Variants in HACD4 observed in about 807,000 individuals in gnomAD.
HACD4 encodes the protein 3-hydroxyacyl-CoA dehydratase 4.
HACD4 carries 35 observed loss-of-function variants against 33.3 expected under a neutral mutation model. That is an observed-to-expected ratio of 1.05 (90% CI 0.80 to 1.39). The LOEUF (loss-of-function observed/expected upper bound fraction) is 1.39, where lower values mean the gene tolerates loss of function less well. Ranked by LOEUF, HACD4 falls within the 40% of genes most tolerant of loss-of-function variation. The probability of loss-of-function intolerance (pLI) is 0.00; values close to 1 mark genes in which losing one functional copy is unlikely to be tolerated. For missense variants in HACD4, 323 were observed against 276.5 expected, an observed-to-expected ratio of 1.17 and a Z score of -1.19; for synonymous variants, 118 against 98.0, an observed-to-expected ratio of 1.20 and a Z score of -1.21.
chr9:21,012,071 T>C (rs1842450539), intron 4 of HACD4, among the ~76,000 whole-genome samples: 1 of 152,208 alleles, frequency 6.6e-6, no homozygotes, highest in African/African-American at 2.4e-5. Flanking sequence ...CAGGAATTCA[T>C]TTAAAAATAA....
chr9:21,006,970 CTG>C lies in HACD4; in HGVS notation c.*65_*66del, dbSNP rs1378002962. ...AGGTATTTTTCCACCAGAATACTTC[CTG>C]TGTTTTATTTACTGCACTGAATCCA... On this transcript the variant is annotated 3_prime_UTR_variant, in exon 7 of 7. Coordinates refer to ENST00000495827, the MANE Select transcript of HACD4 (RefSeq NM_001010915.5). The surrounding 1 kb of genome is among the most constrained non-coding windows in gnomAD (Gnocchi z 4.6). 1 of 898,474 alleles carries C rather than the reference CTG, an allele frequency of 1.1e-6. No homozygotes were observed. The highest frequency in any genetic ancestry group is 1.9e-6 in the Non-Finnish European group (1 of 530,262). The allele number at this position is 898,474 out of a possible 1,614,324, so 55.7% of individuals were successfully genotyped here. A position where few individuals can be genotyped will look rare whatever the true frequency, so the allele number is the denominator to read the frequency against.
chr9:21,022,397 G>A (rs1042933004), intron 3 of HACD4, among the ~76,000 whole-genome samples: 7 of 152,128 alleles, frequency 4.6e-5, no homozygotes, highest in Non-Finnish European at 1.0e-4. Flanking sequence ...AAACTAAAAA[G>A]CTCCGGTACA....
At position 21,006,690 on chromosome 9, in the gene HACD4, GT is replaced by G. The variant is rs1327309080; in HGVS notation, c.*346del. On this transcript the variant is annotated 3_prime_UTR_variant, in exon 7 of 7. Transcript: ENST00000495827. This position sits in a 1 kb window ranked among gnomAD's most constrained non-coding sequence, Gnocchi z 4.6. ...GAATACATGTAATTTAGGTTATCAA[GT>G]TTGGTTTCTTAATTTAATTGAATCT... 1 of 251,642 alleles carries G rather than the reference GT, an allele frequency of 4.0e-6. No homozygotes were observed. The highest frequency in any genetic ancestry group is 7.6e-6 in the Non-Finnish European group (1 of 130,828). 15.6% of individuals were successfully genotyped at this position (251,642 alleles called of 1,614,324 possible).
At chr9:21,008,344 G>C (rs1842323559) in intron 5 of HACD4, among the ~76,000 whole-genome samples, 198 bp from the exon 6 acceptor site, 1 of 152,122 alleles carries the variant, frequency 6.6e-6, no homozygotes, top group South Asian at 2.1e-4. Context: ...ACAGCAGTAT[G>C]ACTTGTTGAA....
chr9:21,018,686 T>C (rs555768641), intron 3 of HACD4, among the ~76,000 whole-genome samples: 1 of 152,318 alleles, frequency 6.6e-6, no homozygotes, highest in South Asian at 2.1e-4. Flanking sequence ...AGAATGGTCT[T>C]GTTTAGTACA....
At position 21,016,126 on chromosome 9, in the gene HACD4, T is replaced by C. The variant is rs548829098; in HGVS notation, c.271-116A>G. Reference sequence around the variant, plus strand: ...AGTATACTTTAGCTGGAAATATGTATACTAAACTGTTAACAATGCCTCCCT... The same window carrying C: ...AGTATACTTTAGCTGGAAATATGTACACTAAACTGTTAACAATGCCTCCCT... On this transcript the variant is annotated intron_variant, in intron 3 of 6. Coordinates refer to ENST00000495827, the MANE Select transcript of HACD4 (RefSeq NM_001010915.5). 58 of 626,388 alleles carry C rather than the reference T, an allele frequency of 9.3e-5. No individual in the cohort carries two copies. The East Asian group carries it at 9.8e-4, about 11-fold the overall frequency. 38.8% of individuals were successfully genotyped at this position (626,388 alleles called of 1,614,324 possible).
At chr9:21,027,481 T>A (rs1818092168) in intron 2 of HACD4, among the ~76,000 whole-genome samples, 1 of 152,162 alleles carries the variant, frequency 6.6e-6, no homozygotes, top group African/African-American at 2.4e-5. Context: ...ATTCACACAA[T>A]AATAATTTAC....
chr9:21,006,073 C>T lies in HACD4; in HGVS notation c.*964G>A, dbSNP rs765564035. ...CAGGAATGAGTTAAGACTTTTGAGG[C>T]TGTCGAGATGGAATGTATGTATTTT... On this transcript the variant is annotated 3_prime_UTR_variant, in exon 7 of 7. Coordinates refer to ENST00000495827, the MANE Select transcript of HACD4 (RefSeq NM_001010915.5). This position sits in a 1 kb window ranked among gnomAD's most constrained non-coding sequence, Gnocchi z 4.6. The T allele has an allele frequency of 3.9e-5, 6 of 152,122 alleles. No individual in the cohort carries two copies. The highest frequency in any genetic ancestry group is 6.5e-5 in the Admixed American group (1 of 15,270). The allele number at this position is 152,122 out of a possible 1,614,324, so 9.4% of individuals were successfully genotyped here.
intron 3 of HACD4, among the ~76,000 whole-genome samples, chr9:21,023,046 TGATGA>T: frequency 6.6e-6 from 1 of 152,208 alleles, no homozygotes; most frequent in African/African-American, 2.4e-5. Context: ...CCATAAAAAA[TGATGA>T]GTTCATGTCC....
intron 5 of HACD4, among the ~76,000 whole-genome samples, chr9:21,010,312 G>A (rs1171653536): frequency 2.6e-5 from 4 of 152,122 alleles, no homozygotes; most frequent in Non-Finnish European, 4.4e-5. Flanking sequence ...TGATCTGAAT[G>A]ATTTGATCTT....
Position 21,026,580 on chromosome 9 carries a change from T to C in HACD4, c.270+16A>G, listed in dbSNP as rs1818065772. On this transcript the variant is annotated intron_variant, in intron 3 of 6. Transcript: ENST00000495827. Reference sequence around the variant, plus strand: ...AAATGAAACAGATTCTATAATAATATGTGATTCAAACCTACCTGCAAAAAC... The same window carrying C: ...AAATGAAACAGATTCTATAATAATACGTGATTCAAACCTACCTGCAAAAAC... The C allele has an allele frequency of 1.9e-6, 3 of 1,594,508 alleles. No homozygotes were observed. The highest frequency in any genetic ancestry group is 4.5e-5 in the East Asian group (2 of 44,656).
chr9:21,020,683 C>G (rs190999029), intron 3 of HACD4, among the ~76,000 whole-genome samples: 40 of 152,196 alleles, frequency 2.6e-4, no homozygotes, highest in Admixed American at 2.3e-3. Flanking sequence ...TTTTATGCTT[C>G]TTTTGGACCA....
At position 21,011,677 on chromosome 9, in the gene HACD4, T is replaced by A. The variant is rs941029951; in HGVS notation, c.402A>T (p.Leu134Phe). Residue 134 changes from leucine to phenylalanine, a missense_variant, in exon 5 of 7, where the codon TTA (leucine) becomes TTT (phenylalanine). Physicochemically the swap from Leu to Phe is conservative, Grantham distance 22. Transcript: ENST00000495827. Reference sequence around the variant, plus strand: ...CAGCATAGGATATTCCTATGACTGATAACATGCTATAAGTGTACCTGAAAG... The same window carrying A: ...CAGCATAGGATATTCCTATGACTGAAAACATGCTATAAGTGTACCTGAAAG... Reference protein sequence around the residue: ...LDMVRYTYSMLSVIGISYAVL... With the variant: ...LDMVRYTYSMFSVIGISYAVL... The A allele has an allele frequency of 1.3e-6, 2 of 1,599,666 alleles. No individual in the cohort carries two copies. The highest frequency in any genetic ancestry group is 1.3e-5 in the African/African-American group (1 of 74,602).
At chr9:21,026,794 C>T in intron 2 of HACD4, 71 bp from the exon 3 acceptor site, 1 of 1,311,086 alleles carries the variant, frequency 7.6e-7, no homozygotes, top group Non-Finnish European at 1.1e-6. Context: ...TTATGCAGCA[C>T]TTTGAAGTCA....
chr9:21,019,178 C>T (rs1291057186), intron 3 of HACD4, among the ~76,000 whole-genome samples: 2 of 151,936 alleles, frequency 1.3e-5, no homozygotes, highest in Non-Finnish European at 2.9e-5. Flanking sequence ...TGTTCTGGGT[C>T]CCAAGGGATA....
At chr9:21,030,468 AAAC>A (rs930915161) in intron 1 of HACD4, among the ~76,000 whole-genome samples, 12 of 152,030 alleles carry the variant, frequency 7.9e-5, no homozygotes, top group Admixed American at 4.6e-4. Flanking sequence ...ATAAAAAACA[AAAC>A]AACAACAACA....
Position 21,001,530 on chromosome 9 carries a change from A to G in HACD4, c.*5507T>C, listed in dbSNP as rs964703111. ...GAGAGAATATTTGAAGAACAGCCAGATAATGACCAACAAACTCCAAGTAGA... is the reference window on the plus strand; with the variant it reads ...GAGAGAATATTTGAAGAACAGCCAGGTAATGACCAACAAACTCCAAGTAGA... On this transcript the variant is annotated 3_prime_UTR_variant, in exon 7 of 7. Coordinates refer to ENST00000495827, the MANE Select transcript of HACD4 (RefSeq NM_001010915.5). 6.6e-6 allele frequency: 1 copy of G among 152,182 alleles called. No homozygotes were observed. Among genetic ancestry groups the G allele is most frequent in the African/African-American group, 2.4e-5 (1 of 41,458 alleles). The allele number at this position is 152,182 out of a possible 1,614,324, so 9.4% of individuals were successfully genotyped here. A position where few individuals can be genotyped will look rare whatever the true frequency, so the allele number is the denominator to read the frequency against.
At chr9:21,027,358 A>C (rs1818088870) in intron 2 of HACD4, among the ~76,000 whole-genome samples, 1 of 152,204 alleles carries the variant, frequency 6.6e-6, no homozygotes, top group African/African-American at 2.4e-5. Flanking sequence ...AATGGAAGGG[A>C]AACAAATGTT....
Position 21,026,676 on chromosome 9 carries a change from A to G in HACD4, c.190T>C (p.Cys64Arg), listed in dbSNP as rs1472982500. Reference sequence around the variant, plus strand: ...AGTTCCAGGAGAGATACGGATTGGCAAAGTCGCATCACAAGTCCAATAGCA... The same window carrying G: ...AGTTCCAGGAGAGATACGGATTGGCGAAGTCGCATCACAAGTCCAATAGCA... ...FYAIGLVMRLCQSVSLLELLH... is the reference protein window; with the variant it reads ...FYAIGLVMRLRQSVSLLELLH... Residue 64 changes from cysteine (C) to arginine (R), a missense_variant, in exon 3 of 7, where the codon TGC becomes CGC. Coordinates refer to ENST00000495827, the MANE Select transcript of HACD4 (RefSeq NM_001010915.5). 6.2e-7 allele frequency: 1 copy of G among 1,613,364 alleles called. No individual in the cohort carries two copies. Among genetic ancestry groups the G allele is most frequent in the Admixed American group, 1.7e-5 (1 of 60,026 alleles).
Sources: allele counts gnomAD v4.1 joint callset (sites outside exome capture counted in the v4.1 genomes callset), GRCh38; gene constraint gnomAD v4.1.1; non-coding constraint Gnocchi (gnomAD v3.1); transcripts MANE v1.5; gene names NCBI Gene and HGNC (gene_info 2026-07-23, HGNC 2026-07-21).